The following KCNIP4 variants were observed in gnomAD, a reference collection of about 807,000 sequenced individuals.
KCNIP4 encodes the protein potassium voltage-gated channel interacting protein 4.
Under a neutral mutation model 34.0 loss-of-function variants are expected in KCNIP4, and 12 were observed. The observed-to-expected ratio is 0.35, with a 90% CI of 0.23 to 0.57. The LOEUF (loss-of-function observed/expected upper bound fraction) is 0.57, where lower values mean the gene tolerates loss of function less well. Among genes scored for constraint, KCNIP4 ranks in the 20% least tolerant of loss-of-function variants. KCNIP4 has a pLI of 0.83. For missense variants in KCNIP4, 238 were observed against 311.7 expected, an observed-to-expected ratio of 0.76 and a Z score of 1.78; for synonymous variants, 124 against 102.2, an observed-to-expected ratio of 1.21 and a Z score of -1.29.
intron 1 of KCNIP4, among the ~76,000 whole-genome samples, chr4:21,677,791 C>A (rs937516591): frequency 2.6e-5 from 4 of 152,156 alleles, no homozygotes; most frequent in Non-Finnish European, 5.9e-5. Flanking sequence ...ACTCTGTCAC[C>A]CAGGCTGGAG....
intron 1 of KCNIP4, among the ~76,000 whole-genome samples, chr4:20,970,115 G>A (rs1734784346): frequency 2.0e-5 from 3 of 151,830 alleles, no homozygotes; most frequent in Admixed American, 2.0e-4. Flanking sequence ...CTAATTTTTT[G>A]TATTTTTAGT....
At chr4:21,062,435 G>T (rs1743999669) in intron 1 of KCNIP4, among the ~76,000 whole-genome samples, 1 of 152,112 alleles carries the variant, frequency 6.6e-6, no homozygotes. Flanking sequence ...GATGAGGTCA[G>T]ATTGGATTAG....
At chr4:21,066,040 G>A (rs1366270156) in intron 1 of KCNIP4, among the ~76,000 whole-genome samples, 1 of 151,662 alleles carries the variant, frequency 6.6e-6, no homozygotes, top group African/African-American at 2.4e-5. Flanking sequence ...TAGCCCCTTC[G>A]AGTTTTTATA....
chr4:21,919,161 A>C (rs1000389839), intron 1 of KCNIP4, among the ~76,000 whole-genome samples: 1 of 152,160 alleles, frequency 6.6e-6, no homozygotes, highest in Non-Finnish European at 1.5e-5. Flanking sequence ...CCTGTCCAGC[A>C]AGATGTGTGT....
intron 1 of KCNIP4, among the ~76,000 whole-genome samples, chr4:21,814,757 G>A (rs190083788): frequency 1.1e-4 from 17 of 152,266 alleles, no homozygotes; most frequent in Non-Finnish European, 2.1e-4. Context: ...TCAAAAGTCA[G>A]TTCACTACCT....
intron 1 of KCNIP4, among the ~76,000 whole-genome samples, chr4:21,603,775 T>C (rs1743410442): frequency 6.6e-6 from 1 of 151,842 alleles, no homozygotes; most frequent in African/African-American, 2.4e-5. Context: ...AGATGAAAAA[T>C]CACAAACAAA....
intron 1 of KCNIP4, among the ~76,000 whole-genome samples, chr4:20,923,603 T>C (rs1309017528): frequency 6.6e-6 from 1 of 152,188 alleles, no homozygotes; most frequent in Non-Finnish European, 1.5e-5. Context: ...AAAGATTATA[T>C]ACTAGAGAAC....
At position 20,827,996 on chromosome 4, in the gene KCNIP4, G is replaced by A. The variant is rs535465633; in HGVS notation, c.288+22547C>T. On this transcript the variant is annotated intron_variant, in intron 3 of 8. Transcript: ENST00000382152. ...GTGATGTGTAATATATAGGCTGGGA[G>A]ACCACTGTGGATATCTATTTTTCTC... is the stretch of plus-strand genomic sequence containing the variant. Among the ~76,000 whole-genome samples, 329 of 152,250 alleles carry A rather than the reference G, an allele frequency of 2.2e-3. 3 individuals carry two copies. The highest frequency in any genetic ancestry group is 5.8e-3 in the Admixed American group (88 of 15,304).
At chr4:21,890,457 A>G (rs1178051392) in intron 1 of KCNIP4, among the ~76,000 whole-genome samples, 1 of 152,090 alleles carries the variant, frequency 6.6e-6, no homozygotes, top group African/African-American at 2.4e-5. Context: ...GAGCCTAAAG[A>G]CCAATTTTAT....
chr4:21,749,789 A>G (rs942275594), intron 1 of KCNIP4, among the ~76,000 whole-genome samples: 18 of 152,118 alleles, frequency 1.2e-4, no homozygotes, highest in Admixed American at 3.3e-4. Context: ...TGGAGCACAC[A>G]TGCCGGAGAT....
chr4:21,559,812 T>C (rs531817402), intron 1 of KCNIP4, among the ~76,000 whole-genome samples: 1 of 152,300 alleles, frequency 6.6e-6, no homozygotes, highest in African/African-American at 2.4e-5. Context: ...GAACTAAAAC[T>C]CAGGGCTTAT....
intron 1 of KCNIP4, among the ~76,000 whole-genome samples, chr4:21,209,171 A>C (rs7687837): frequency 0.51 from 77,411 of 151,992 alleles, 21,779 homozygotes; most frequent in African/African-American, 0.77. Context: ...TAGGGTACAT[A>C]GTGATGTTTC....
intron 1 of KCNIP4, among the ~76,000 whole-genome samples, chr4:21,465,860 C>T (rs760003584): frequency 8.5e-5 from 13 of 152,214 alleles, no homozygotes; most frequent in African/African-American, 1.2e-4. Context: ...GGAGTTAAGG[C>T]TCATTCTGAA....
chr4:21,813,792 G>C (rs1721805840), intron 1 of KCNIP4, among the ~76,000 whole-genome samples: 1 of 152,074 alleles, frequency 6.6e-6, no homozygotes, highest in Non-Finnish European at 1.5e-5. Flanking sequence ...CTCCCCTTTA[G>C]ACCCTTGTGA....
chr4:21,242,271 A>G (rs1267496896), intron 1 of KCNIP4, among the ~76,000 whole-genome samples: 1 of 152,036 alleles, frequency 6.6e-6, no homozygotes, highest in Non-Finnish European at 1.5e-5. Context: ...TATACTATAC[A>G]TCGATAACCC....
intron 1 of KCNIP4, among the ~76,000 whole-genome samples, chr4:20,887,915 A>G (rs1020499323): frequency 2.0e-5 from 3 of 152,132 alleles, no homozygotes; most frequent in Non-Finnish European, 2.9e-5. Context: ...ACATTTGTAG[A>G]TGTAAAATTT....
chr4:20,983,434 A>G, intron 1 of KCNIP4, among the ~76,000 whole-genome samples: 1 of 152,224 alleles, frequency 6.6e-6, no homozygotes, highest in East Asian at 1.9e-4. Flanking sequence ...TCACAAATCA[A>G]GATACTCTTT....
intron 1 of KCNIP4, among the ~76,000 whole-genome samples, chr4:21,651,842 T>C (rs192448782): frequency 6.6e-6 from 1 of 152,312 alleles, no homozygotes; most frequent in Admixed American, 6.5e-5. Flanking sequence ...CTTCATTTTA[T>C]GTATATAGAG....
At chr4:21,804,244 C>T (rs1345333894) in intron 1 of KCNIP4, among the ~76,000 whole-genome samples, 2 of 152,186 alleles carry the variant, frequency 1.3e-5, no homozygotes, top group African/African-American at 4.8e-5. Flanking sequence ...AAACAGCAGT[C>T]ATGTTAGCTG....
Sources: allele counts gnomAD v4.1 joint callset (sites outside exome capture counted in the v4.1 genomes callset), GRCh38; gene constraint gnomAD v4.1.1; transcripts MANE v1.5; gene names NCBI Gene and HGNC (gene_info 2026-07-23, HGNC 2026-07-21).